The following APP variants were observed in gnomAD, a reference collection of about 807,000 sequenced individuals.
APP encodes amyloid-beta precursor protein.
In APP, 31 loss-of-function variants were observed where a neutral mutation model predicts 101.4. The ratio of observed to expected loss-of-function variants is 0.31; its 90% CI spans 0.23 to 0.41. The LOEUF is 0.41. APP is among the 10% of genes least tolerant of loss of function. APP has a pLI of 1.00. For synonymous variants in APP, 366 were observed against 364.4 expected (o/e 1.00, Z -0.05); for missense variants, 839 against 1,003.7 (o/e 0.84, Z 2.22).
At chr21:26,088,721 C>T (rs147578250) in intron 3 of APP, among the ~76,000 whole-genome samples, 133 of 152,234 alleles carry the variant, frequency 8.7e-4, no homozygotes, top group African/African-American at 3.1e-3. Context: ...TCTAATTAAA[C>T]TGCACTTTTT....
At chr21:25,923,538 AAAAC>A (rs1464151701) in intron 13 of APP, among the ~76,000 whole-genome samples, 3 of 120,278 alleles carry the variant, frequency 2.5e-5, no homozygotes, top group Non-Finnish European at 5.0e-5. Context: ...TTACAAGAAA[AAAAC>A]AAACAACCCC....
At chr21:25,997,311 G>A (rs201632018) in intron 8 of APP, 49 bp downstream of exon 8, 20 of 1,550,106 alleles carry the variant, frequency 1.3e-5, no homozygotes, top group African/African-American at 1.2e-4. Context: ...TGTGAACCAA[G>A]CAGCATCCTC....
intron 1 of APP, among the ~76,000 whole-genome samples, chr21:26,117,647 A>G: frequency 6.6e-6 from 1 of 152,164 alleles, no homozygotes; most frequent in South Asian, 2.1e-4. Flanking sequence ...TAAAATGGAA[A>G]ATTGCAATTT....
intron 13 of APP, among the ~76,000 whole-genome samples, chr21:25,936,287 C>T (rs936323613): frequency 1.3e-5 from 2 of 150,756 alleles, no homozygotes; most frequent in East Asian, 2.0e-4. Flanking sequence ...GGGTGCGGGG[C>T]TCACGCCTGT....
chr21:26,078,534 T>C (rs1032763226), intron 3 of APP, among the ~76,000 whole-genome samples: 10 of 152,224 alleles, frequency 6.6e-5, no homozygotes, highest in African/African-American at 2.4e-4. Flanking sequence ...TTTTATGTTG[T>C]ATGTAAGCTA....
At chr21:25,945,803 C>T (rs1395557897) in intron 13 of APP, 12 of 432,250 alleles carry the variant, frequency 2.8e-5, no homozygotes, top group East Asian at 2.2e-4. Flanking sequence ...ATCCTCCCAC[C>T]ACAGCCTCCT....
Position 25,935,862 on chromosome 21 carries a change from C to A in APP, c.1687+18728G>T, listed in dbSNP as rs374796336. The stretch of plus-strand genomic sequence containing the variant: ...CTCAAAAAAAAAAAAAAAAAAAAAA[C>A]CTGTCAAATCCCTCCATACAAGTGT... On this transcript the variant is annotated intron_variant, in intron 13 of 17. Coordinates refer to ENST00000346798, the MANE Select transcript of APP (RefSeq NM_000484.4). Among the ~76,000 whole-genome samples the A allele has an allele frequency of 7.1e-5, 6 of 84,106 alleles. No individual in the cohort carries two copies. The South Asian group carries it at 1.6e-3, about 23-fold the overall frequency. The allele number at this position is 84,106 out of a possible 152,430, so 55.2% of individuals were successfully genotyped here.
At chr21:25,937,318 T>A (rs1438905435) in intron 13 of APP, among the ~76,000 whole-genome samples, 1 of 152,236 alleles carries the variant, frequency 6.6e-6, no homozygotes, top group Non-Finnish European at 1.5e-5. Context: ...ATTCATCTCC[T>A]ACTGCAGAAT....
intron 3 of APP, 83 bp downstream of exon 3, chr21:26,089,860 T>A: frequency 4.4e-6 from 7 of 1,597,012 alleles, no homozygotes; most frequent in Middle Eastern, 1.7e-4. Context: ...AGTCTGTGTA[T>A]GTGACCTAAC....
chr21:26,089,477 AGAG>A (rs2061772091), intron 3 of APP: 3 of 151,668 alleles, frequency 2.0e-5, no homozygotes, highest in South Asian at 2.1e-4. Flanking sequence ...TCACCAAATA[AGAG>A]GAGTAGTTAT....
intron 12 of APP, among the ~76,000 whole-genome samples, chr21:25,955,211 T>C (rs1260692878): frequency 6.6e-6 from 1 of 152,178 alleles, no homozygotes; most frequent in Non-Finnish European, 1.5e-5. Context: ...TTTTCAGCCT[T>C]TGGGAACCGG....
intron 6 of APP, 69 bp downstream of exon 6, chr21:26,021,771 A>G (rs2044348124): frequency 1.3e-6 from 2 of 1,588,440 alleles, no homozygotes. Context: ...TAGGGTGGAT[A>G]TTTCCAACTC....
intron 17 of APP, among the ~76,000 whole-genome samples, chr21:25,890,259 C>G (rs1314282507): frequency 6.6e-6 from 1 of 152,180 alleles, no homozygotes; most frequent in African/African-American, 2.4e-5. Flanking sequence ...CAATTTCCAT[C>G]AGCAGCTTCT....
chr21:25,918,142 T>A lies in APP; in HGVS notation c.1688-6180A>T, dbSNP rs552313646. Among the ~76,000 whole-genome samples, 5 of 152,300 alleles carry A rather than the reference T, an allele frequency of 3.3e-5. No homozygotes were observed. In the South Asian group the frequency reaches 1.0e-3, roughly 32 times the overall value. On this transcript the variant is annotated intron_variant, in intron 13 of 17. Transcript: ENST00000346798. ...AGGAGATTCTGCAAGGATATAGAACTAGAAATACCATTTGACCCAGCAATC... is the reference window on the plus strand; with the variant it reads ...AGGAGATTCTGCAAGGATATAGAACAAGAAATACCATTTGACCCAGCAATC...
At chr21:25,901,238 C>G (rs2038448838) in intron 15 of APP, among the ~76,000 whole-genome samples, 1 of 140,922 alleles carries the variant, frequency 7.1e-6, no homozygotes. Context: ...ATGGGGGTTG[C>G]AGTGAGCTGG....
intron 3 of APP, among the ~76,000 whole-genome samples, chr21:26,080,584 T>C (rs35503500): frequency 0.093 from 14,163 of 151,478 alleles, 829 homozygotes; most frequent in East Asian, 0.24. Context: ...CTGGCCAAGG[T>C]GGTCAAATTC....
At chr21:26,152,775 A>C (rs1601584855) in intron 1 of APP, among the ~76,000 whole-genome samples, 1 of 152,332 alleles carries the variant, frequency 6.6e-6, no homozygotes, top group East Asian at 1.9e-4. Flanking sequence ...CATTTGATCC[A>C]GCAATCTTAA....
At chr21:26,121,555 T>G (rs2062571877) in intron 1 of APP, among the ~76,000 whole-genome samples, 1 of 152,102 alleles carries the variant, frequency 6.6e-6, no homozygotes, top group Non-Finnish European at 1.5e-5. Context: ...ACCCGGCTAA[T>G]TTTTGTATTT....
intron 14 of APP, among the ~76,000 whole-genome samples, chr21:25,908,240 GA>G: frequency 6.6e-6 from 1 of 152,276 alleles, no homozygotes; most frequent in East Asian, 1.9e-4. Flanking sequence ...TTGTGGATGT[GA>G]AAACCAAAGA....
Sources: allele counts gnomAD v4.1 joint callset (sites outside exome capture counted in the v4.1 genomes callset), GRCh38; gene constraint gnomAD v4.1.1; transcripts MANE v1.5; gene names NCBI Gene and HGNC (gene_info 2026-07-23, HGNC 2026-07-21).